C4orf50: variants seen among roughly 807,000 people sequenced by gnomAD.
The protein encoded by C4orf50 is chromosome 4 open reading frame 50.
A neutral mutation model predicts 77.2 loss-of-function variants in C4orf50; 80 were observed. The ratio of observed to expected loss-of-function variants is 1.04; its 90% CI spans 0.87 to 1.25. C4orf50 has a LOEUF of 1.25. Ranked by LOEUF, C4orf50 falls within the 50% of genes most tolerant of loss-of-function variation. The pLI is 0.00. For missense variants in C4orf50, 1,257 were observed against 1,152.9 expected (o/e 1.09, Z -1.31); for synonymous variants, 532 against 465.3 (o/e 1.14, Z -1.84).
In C4orf50 at chr4:5,983,614, T is replaced by G. The variant is rs568132663; in HGVS notation, c.3700-3276A>C. ...TATACAAGTAATGCTTTGCAGGCATTGGAAGATGACTAGTACAGGGTCACA... is the reference window on the plus strand; with the variant it reads ...TATACAAGTAATGCTTTGCAGGCATGGGAAGATGACTAGTACAGGGTCACA... On this transcript the variant is annotated intron_variant, in intron 28 of 33. Transcript: ENST00000531445. 4.6e-5 allele frequency among the ~76,000 whole-genome samples: 7 copies of G among 152,310 alleles called. No homozygotes were observed. The East Asian group carries it at 1.3e-3, about 29-fold the overall frequency.
chr4:5,945,162 C>T (rs891679043), intron 7 of C4orf50, among the ~76,000 whole-genome samples: 2 of 152,204 alleles, frequency 1.3e-5, no homozygotes, highest in African/African-American at 2.4e-5. Context: ...AGCTCCAGGT[C>T]CTCCGAGCCC....
chr4:5,953,794 G>C (rs1381639876), downstream of C4orf50, among the ~76,000 whole-genome samples: 1 of 152,220 alleles, frequency 6.6e-6, no homozygotes, highest in Non-Finnish European at 1.5e-5. Context: ...AAAAATCACT[G>C]TGCTGGGCCA....
chr4:5,933,423 C>T (rs1225797169), intron 7 of C4orf50, among the ~76,000 whole-genome samples: 1 of 152,212 alleles, frequency 6.6e-6, no homozygotes, highest in Non-Finnish European at 1.5e-5. Context: ...CTCCTGCCTC[C>T]ACCTCCCGTC....
intron 25 of C4orf50, among the ~76,000 whole-genome samples, chr4:5,994,933 T>C (rs1721499171): frequency 6.6e-6 from 1 of 152,184 alleles, no homozygotes; most frequent in South Asian, 2.1e-4. Flanking sequence ...GTGAACCCTA[T>C]TGTGAACTGC....
Position 5,925,671 on chromosome 4 carries a change from G to A in C4orf50, c.*2475-27483C>T, listed in dbSNP as rs552335729. ...CTTCCACCCAGCACTGCCTGAGCAC[G>A]GCCCTGTGGTCACAGAAATGCCCAG... On this transcript the variant is annotated intron_variant, in intron 7 of 7. Transcript: ENST00000324058. Among the ~76,000 whole-genome samples, 18 of 152,362 alleles carry A rather than the reference G, an allele frequency of 1.2e-4. No homozygotes were observed. The South Asian group carries it at 1.9e-3, about 16-fold the overall frequency.
chr4:5,995,374 CCA>C (rs1348659953), intron 25 of C4orf50, among the ~76,000 whole-genome samples: 1 of 152,048 alleles, frequency 6.6e-6, no homozygotes, highest in Non-Finnish European at 1.5e-5. Context: ...CTGGACTTCT[CCA>C]CAGTGTGGAG....
At chr4:5,980,114 A>G (rs1471647846) in intron 29 of C4orf50, 60 bp downstream of exon 7, 1 of 1,464,508 alleles carries the variant, frequency 6.8e-7, no homozygotes, top group African/African-American at 1.4e-5. Context: ...TTCACTCCCA[A>G]AACGCCCCGG....
chr4:5,970,771 G>A lies in C4orf50; in HGVS notation c.4104+2888C>T, dbSNP rs1445570236. Among the ~76,000 whole-genome samples, 1 of 152,172 alleles carries A rather than the reference G, an allele frequency of 6.6e-6. No homozygotes were observed. The highest frequency in any genetic ancestry group is 1.5e-5 in the Non-Finnish European group (1 of 68,022). ...CCTCCTCCTGAAAGGGTAGAGCTTA[G>A]TGGCCTCAGCCCAAGGCCCAGCCCC... On this transcript the variant is annotated intron_variant, in intron 31 of 33. Coordinates refer to ENST00000531445, the Ensembl canonical transcript of C4orf50. This position sits in a 1 kb window ranked among gnomAD's most constrained non-coding sequence, Gnocchi z 4.3.
chr4:5,904,052 T>C (rs1427856949), intron 7 of C4orf50: 2 of 152,208 alleles, frequency 1.3e-5, no homozygotes, highest in Non-Finnish European at 2.9e-5. Context: ...GAGACACCCA[T>C]GGCCAACTCC....
intron 24 of C4orf50, among the ~76,000 whole-genome samples, chr4:6,010,600 G>C (rs1331938593): frequency 6.6e-6 from 1 of 152,192 alleles, no homozygotes; most frequent in African/African-American, 2.4e-5. Flanking sequence ...GATTTTAAGT[G>C]CTAGTTGTAA....
At chr4:5,963,904 G>A (rs1719404646) in intron 33 of C4orf50, among the ~76,000 whole-genome samples, 1 of 152,150 alleles carries the variant, frequency 6.6e-6, no homozygotes, top group South Asian at 2.1e-4. Flanking sequence ...ACTCAGATCT[G>A]CCAGACCCCA....
chr4:5,907,903 G>C (rs139783124), intron 7 of C4orf50, among the ~76,000 whole-genome samples: 188 of 152,308 alleles, frequency 1.2e-3, no homozygotes, highest in African/African-American at 4.3e-3. Context: ...CTATGAGAAG[G>C]TGCCATGAGG....
At chr4:5,898,035 A>G (rs1229896350) in exon 8 of C4orf50, 1 of 152,360 alleles carries the variant, frequency 6.6e-6, no homozygotes, top group Non-Finnish European at 1.5e-5. Context: ...GATTCATGCA[A>G]CCGCAAGGTG....
intron 25 of C4orf50, among the ~76,000 whole-genome samples, chr4:6,004,328 T>G: frequency 8.4e-6 from 1 of 119,600 alleles, no homozygotes; most frequent in Non-Finnish European, 1.7e-5. Flanking sequence ...ATCGTAATGG[T>G]GATGATGGTG....
rs1428778010 is a variant in C4orf50, at chr4:5,992,533, G to C, written c.1221+270C>G. Among the ~76,000 whole-genome samples the C allele has an allele frequency of 1.3e-5, 2 of 152,144 alleles. No homozygotes were observed. The highest frequency in any genetic ancestry group is 2.9e-5 in the Non-Finnish European group (2 of 68,014). The stretch of plus-strand genomic sequence containing the variant: ...GAGGTGGCAGCAACACCTCGTGGGT[G>C]TCAGGAGGTGTCAACGAGATGAAGC... On this transcript the variant is annotated intron_variant, in intron 27 of 33. Coordinates refer to ENST00000531445, the Ensembl canonical transcript of C4orf50. The surrounding 1 kb of genome is among the most constrained non-coding windows in gnomAD (Gnocchi z 5.0).
rs1414489212 is a variant in C4orf50 at position 5,989,760 on chromosome 4, AAAG to A, written c.2283_2285del (p.Phe762del). The A allele has an allele frequency of 2.0e-6, 3 of 1,531,210 alleles. No homozygotes were observed. In the African/African-American group the frequency reaches 4.1e-5, roughly 21 times the overall value. The allele number at this position is 1,531,210 out of a possible 1,614,324, so 94.9% of individuals were successfully genotyped here. On this transcript the variant is annotated inframe_deletion, in exon 28 of 34. Transcript: ENST00000531445. ...ACAGTGGCAAACCTGTCTCTCCTGC[AAAG>A]AAAAGCATTTCCTTGCTCTCATGTT...
At chr4:5,953,865 G>A (rs1172121503), downstream of C4orf50, among the ~76,000 whole-genome samples, 1 of 152,236 alleles carries the variant, frequency 6.6e-6, no homozygotes, top group Non-Finnish European at 1.5e-5. Flanking sequence ...TAGGTGGCAA[G>A]GCTTGGCCAG....
At chr4:5,924,643 C>T (rs1717432373) in intron 7 of C4orf50, among the ~76,000 whole-genome samples, 1 of 152,136 alleles carries the variant, frequency 6.6e-6, no homozygotes, top group African/African-American at 2.4e-5. Context: ...AGGTCTTCTG[C>T]CATCAGAGTG....
chr4:5,933,770 T>C (rs939371537), intron 7 of C4orf50, among the ~76,000 whole-genome samples: 1 of 152,102 alleles, frequency 6.6e-6, no homozygotes, highest in Non-Finnish European at 1.5e-5. Context: ...TGAAGGACAC[T>C]GTTCCCAAGA....
Sources: allele counts gnomAD v4.1 joint callset (sites outside exome capture counted in the v4.1 genomes callset), GRCh38; gene constraint gnomAD v4.1.1; non-coding constraint Gnocchi (gnomAD v3.1); transcripts MANE v1.5; gene names NCBI Gene and HGNC (gene_info 2026-07-23, HGNC 2026-07-21).